MAGI2: variants seen among roughly 807,000 people sequenced by gnomAD.
MAGI2 encodes membrane associated guanylate kinase, WW and PDZ domain containing 2, also known as membrane-associated guanylate kinase, WW and PDZ domain-containing protein 2.
Under a neutral mutation model 133.3 loss-of-function variants are expected in MAGI2, and 35 were observed. The observed-to-expected ratio is 0.26, with a 90% CI of 0.20 to 0.35. The LOEUF (loss-of-function observed/expected upper bound fraction) is 0.35. Among genes scored for constraint, MAGI2 ranks in the 10% least tolerant of loss-of-function variants. The probability of loss-of-function intolerance (pLI) is 1.00; values close to 1 mark genes in which losing one functional copy is unlikely to be tolerated. For missense variants in MAGI2, 1,636 were observed against 1,863.4 expected (o/e 0.88, Z 2.25); for synonymous variants, 729 against 710.6 (o/e 1.03, Z -0.41).
At chr7:78,608,004 A>G (rs1806009614) in intron 3 of MAGI2, among the ~76,000 whole-genome samples, 2 of 152,168 alleles carry the variant, frequency 1.3e-5, no homozygotes, top group Admixed American at 1.3e-4. Context: ...ATGTTCCAAT[A>G]TGGATCATGA....
chr7:79,096,373 C>T (rs1302949297), intron 1 of MAGI2, among the ~76,000 whole-genome samples: 1 of 152,200 alleles, frequency 6.6e-6, no homozygotes, highest in African/African-American at 2.4e-5. Context: ...CTGCTCCCTG[C>T]CATGCCCCTT....
chr7:78,529,668 GTTTTTTTTTTTTTTTTTTTTTTTT>G (rs554010061), intron 3 of MAGI2, among the ~76,000 whole-genome samples: 1 of 57,382 alleles, frequency 1.7e-5, no homozygotes, highest in Non-Finnish European at 3.5e-5. Context: ...AAAGGAGATG[GTTTTTTTTTTTTTTTTTTTTTTTT>G]TTTTTTTTGG....
intron 3 of MAGI2, among the ~76,000 whole-genome samples, chr7:78,577,871 G>A (rs1357406293): frequency 6.6e-6 from 1 of 152,114 alleles, no homozygotes; most frequent in Non-Finnish European, 1.5e-5. Context: ...CTTGGGCTCA[G>A]AGGCCTGACT....
At chr7:79,021,315 C>T (rs1809307379) in intron 1 of MAGI2, among the ~76,000 whole-genome samples, 1 of 152,184 alleles carries the variant, frequency 6.6e-6, no homozygotes, top group Admixed American at 6.5e-5. Flanking sequence ...ATCCTTCAGA[C>T]CCTAGAATGG....
chr7:78,947,353 A>T (rs574756942), intron 2 of MAGI2, among the ~76,000 whole-genome samples: 6 of 152,100 alleles, frequency 3.9e-5, no homozygotes, highest in Non-Finnish European at 4.4e-5. Context: ...TGTGATTGAT[A>T]AGACAAACCA....
At chr7:78,278,173 C>T (rs1361018737) in intron 9 of MAGI2, among the ~76,000 whole-genome samples, 1 of 151,962 alleles carries the variant, frequency 6.6e-6, no homozygotes, top group East Asian at 1.9e-4. Flanking sequence ...CTGGGAATTA[C>T]AAAAAAACAC....
At chr7:78,923,574 C>T (rs1355138500) in intron 2 of MAGI2, among the ~76,000 whole-genome samples, 2 of 152,124 alleles carry the variant, frequency 1.3e-5, no homozygotes, top group African/African-American at 4.8e-5. Flanking sequence ...GGTACCAGTA[C>T]CATGCTGTTT....
intron 10 of MAGI2, among the ~76,000 whole-genome samples, chr7:78,235,798 A>G (rs1433312742): frequency 6.6e-6 from 1 of 152,122 alleles, no homozygotes; most frequent in African/African-American, 2.4e-5. Context: ...CATAAAATAG[A>G]CGATTGTAAC....
chr7:78,049,379 A>C lies in MAGI2; in HGVS notation c.3707-29403T>G, dbSNP rs139709636. On this transcript the variant is annotated intron_variant, in intron 21 of 21. Coordinates refer to ENST00000354212, the MANE Select transcript of MAGI2 (RefSeq NM_012301.4). The stretch of plus-strand genomic sequence containing the variant: ...AATTCATCTTTGGCTCAGAGCAGTT[A>C]GGGCTAAGGCCCAGAGTTGAAGTTT... 5.2e-3 allele frequency among the ~76,000 whole-genome samples: 792 copies of C among 152,360 alleles called. 3 individuals are homozygous for C. Among genetic ancestry groups the C allele is most frequent in the African/African-American group, 0.018 (754 of 41,586 alleles).
At chr7:79,101,701 G>T (rs1032108490) in intron 1 of MAGI2, among the ~76,000 whole-genome samples, 1 of 131,512 alleles carries the variant, frequency 7.6e-6, no homozygotes, top group African/African-American at 2.8e-5. Flanking sequence ...TCCAGCAGGT[G>T]CTACAGAGCA....
chr7:78,596,127 A>G (rs1228834326), intron 3 of MAGI2, among the ~76,000 whole-genome samples: 1 of 145,016 alleles, frequency 6.9e-6, no homozygotes, highest in Non-Finnish European at 1.5e-5. Flanking sequence ...GGAAGGAGGG[A>G]AGGAAGGAGG....
At chr7:79,369,526 A>T (rs1337896277) in intron 1 of MAGI2, among the ~76,000 whole-genome samples, 1 of 152,222 alleles carries the variant, frequency 6.6e-6, no homozygotes, top group African/African-American at 2.4e-5. Flanking sequence ...AGAAGCTCCC[A>T]TGATGCTACC....
At chr7:78,701,028 C>T (rs1476386905) in intron 2 of MAGI2, among the ~76,000 whole-genome samples, 2 of 150,236 alleles carry the variant, frequency 1.3e-5, no homozygotes, top group South Asian at 2.1e-4. Context: ...AAAAGTAATC[C>T]ATGAAGTCTA....
chr7:78,225,477 G>A (rs1789282670), intron 10 of MAGI2, among the ~76,000 whole-genome samples: 1 of 152,080 alleles, frequency 6.6e-6, no homozygotes, highest in African/African-American at 2.4e-5. Context: ...AGCCTCCCGA[G>A]TAGCCAGGAC....
At chr7:78,857,027 G>A (rs1222437794) in intron 2 of MAGI2, among the ~76,000 whole-genome samples, 3 of 152,126 alleles carry the variant, frequency 2.0e-5, no homozygotes, top group Admixed American at 6.5e-5. Flanking sequence ...GTGAATGGGA[G>A]TTCACTCATG....
intron 1 of MAGI2, among the ~76,000 whole-genome samples, chr7:79,034,316 G>A (rs571417704): frequency 2.6e-5 from 4 of 152,126 alleles, no homozygotes; most frequent in African/African-American, 7.2e-5. Context: ...CAAATGTAAC[G>A]TAATGATCTT....
intron 2 of MAGI2, among the ~76,000 whole-genome samples, chr7:78,706,513 G>A (rs1369584857): frequency 6.6e-6 from 1 of 152,008 alleles, no homozygotes; most frequent in Non-Finnish European, 1.5e-5. Context: ...GTACTTTGAA[G>A]TCACATTAAG....
intron 21 of MAGI2, among the ~76,000 whole-genome samples, chr7:78,071,388 T>C (rs1383961011): frequency 6.6e-6 from 1 of 151,996 alleles, no homozygotes; most frequent in Non-Finnish European, 1.5e-5. Flanking sequence ...ATACAAAAAA[T>C]TAGTTGGGCA....
chr7:79,306,324 G>GTGTA (rs71518919), intron 1 of MAGI2, among the ~76,000 whole-genome samples: 4 of 143,344 alleles, frequency 2.8e-5, no homozygotes, highest in East Asian at 4.0e-4. Flanking sequence ...ATATATATGT[G>GTGTA]TATATATATA....
Sources: gnomAD v4.1 joint callset for allele counts (sites outside exome capture counted in the v4.1 genomes callset) on GRCh38, gnomAD v4.1.1 for gene constraint, MANE v1.5 for transcripts, NCBI Gene and HGNC (gene_info 2026-07-23, HGNC 2026-07-21) for gene names.